NCOA7: variants seen among roughly 807,000 people sequenced by gnomAD.
NCOA7 encodes nuclear receptor coactivator 7.
Under a neutral mutation model 104.3 loss-of-function variants are expected in NCOA7, and 45 were observed. The observed-to-expected ratio is 0.43, with a 90% CI of 0.34 to 0.55. The LOEUF (loss-of-function observed/expected upper bound fraction) is 0.55, where lower values mean the gene tolerates loss of function less well. NCOA7 is among the 20% of genes least tolerant of loss of function. The probability of loss-of-function intolerance (pLI) is 0.02; values close to 1 mark genes in which losing one functional copy is unlikely to be tolerated. For missense variants in NCOA7, 1,041 were observed against 1,119.7 expected (o/e 0.93, Z 1.00); for synonymous variants, 398 against 402.3 (o/e 0.99, Z 0.13).
chr6:125,906,109 A>T (rs1223115792), intron 10 of NCOA7, among the ~76,000 whole-genome samples: 1 of 152,056 alleles, frequency 6.6e-6, no homozygotes, highest in Non-Finnish European at 1.5e-5. Flanking sequence ...CAGATGAAGG[A>T]GATAGGGGAA....
chr6:125,840,619 G>T (rs1780035068), intron 2 of NCOA7, among the ~76,000 whole-genome samples: 1 of 150,966 alleles, frequency 6.6e-6, no homozygotes, highest in Admixed American at 6.6e-5. Context: ...GGCTCAGGTG[G>T]TCCTCCCACC....
intron 2 of NCOA7, among the ~76,000 whole-genome samples, chr6:125,829,722 CAT>C (rs1450861330): frequency 6.6e-6 from 1 of 152,046 alleles, no homozygotes; most frequent in African/African-American, 2.4e-5. Context: ...GCTGTATAGT[CAT>C]ATCATATGAG....
chr6:125,840,477 G>A (rs920847344), intron 2 of NCOA7, among the ~76,000 whole-genome samples: 31 of 151,996 alleles, frequency 2.0e-4, no homozygotes, highest in Non-Finnish European at 8.8e-5. Context: ...CCCAAGAGCA[G>A]CAACCATACA....
At chr6:125,869,193 C>G (rs2128633752) in intron 3 of NCOA7, among the ~76,000 whole-genome samples, 1 of 152,264 alleles carries the variant, frequency 6.6e-6, no homozygotes, top group Admixed American at 6.5e-5. Flanking sequence ...TGAGTTCACC[C>G]AGTCCCCAGG....
At chr6:125,796,105 T>C (rs570457290) in intron 1 of NCOA7, among the ~76,000 whole-genome samples, 240 of 152,202 alleles carry the variant, frequency 1.6e-3, no homozygotes, top group African/African-American at 5.5e-3. Context: ...TCCTTGAGAT[T>C]CTGTAAACTC....
chr6:125,910,890 A>G (rs1261960101), intron 10 of NCOA7, among the ~76,000 whole-genome samples: 3 of 152,224 alleles, frequency 2.0e-5, no homozygotes, highest in Admixed American at 1.3e-4. Context: ...CTGTCTATAT[A>G]CTGGTTTGGA....
At chr6:125,840,867 G>GTTTTTTTTTTTTTTT (rs1305583308) in intron 2 of NCOA7, among the ~76,000 whole-genome samples, 5 of 50,658 alleles carry the variant, frequency 9.9e-5, no homozygotes, top group Non-Finnish European at 1.9e-4. Context: ...TTGTTTGGTT[G>GTTTTTTTTTTTTTTT]GTTTTTTTTT....
chr6:125,860,804 A>G (rs1008460907), intron 3 of NCOA7, among the ~76,000 whole-genome samples: 1 of 152,258 alleles, frequency 6.6e-6, no homozygotes, highest in Non-Finnish European at 1.5e-5. Context: ...CTGTGCAGCC[A>G]TAAGATTGGA....
At chr6:125,928,291 C>A in intron 15 of NCOA7, 44 bp downstream of exon 15, 1 of 1,549,072 alleles carries the variant, frequency 6.5e-7, no homozygotes, top group South Asian at 1.2e-5. Flanking sequence ...TATTTTACCA[C>A]CTGACCTGAG....
chr6:125,849,018 G>A (rs1188573526), intron 2 of NCOA7, among the ~76,000 whole-genome samples: 2 of 152,050 alleles, frequency 1.3e-5, no homozygotes, highest in Non-Finnish European at 2.9e-5. Flanking sequence ...CAGAACATGG[G>A]CTCATTTATC....
rs201590229 is a variant in NCOA7, at chr6:125,902,495, TA to T, written c.2096+11688del. On this transcript the variant is annotated intron_variant, in intron 10 of 15. Coordinates refer to ENST00000392477, the MANE Select transcript of NCOA7 (RefSeq NM_181782.5). ...CTCATAGCCATGTTTTTTTTTTTTT[TA>T]AAGTGGGGATGGAAGGGAAGCAACA... is the stretch of plus-strand genomic sequence containing the variant. 4.4e-3 allele frequency among the ~76,000 whole-genome samples: 652 copies of T among 148,896 alleles called. 3 individuals are homozygous for T. The highest frequency in any genetic ancestry group is 0.011 in the African/African-American group (443 of 40,696).
intron 3 of NCOA7, among the ~76,000 whole-genome samples, chr6:125,872,446 A>G (rs1783011658): frequency 6.6e-6 from 1 of 152,210 alleles, no homozygotes; most frequent in Non-Finnish European, 1.5e-5. Flanking sequence ...AAATTATATA[A>G]AGAGACTATT....
intron 2 of NCOA7, among the ~76,000 whole-genome samples, chr6:125,825,956 A>G (rs1778622557): frequency 6.6e-6 from 1 of 152,204 alleles, no homozygotes; most frequent in Non-Finnish European, 1.5e-5. Context: ...CTTTGAAAAG[A>G]GTATATGGAT....
intron 3 of NCOA7, among the ~76,000 whole-genome samples, chr6:125,871,719 G>A (rs1782927457): frequency 6.6e-6 from 1 of 152,170 alleles, no homozygotes; most frequent in Non-Finnish European, 1.5e-5. Context: ...GACAAGGCCA[G>A]GTGCAGTGGC....
intron 1 of NCOA7, among the ~76,000 whole-genome samples, chr6:125,784,820 T>C (rs1774383109): frequency 6.6e-6 from 1 of 152,258 alleles, no homozygotes; most frequent in South Asian, 2.1e-4. Flanking sequence ...TCAATTTATA[T>C]AGCATTCTTG....
At chr6:125,899,370 A>G (rs1357081518) in intron 10 of NCOA7, among the ~76,000 whole-genome samples, 1 of 152,234 alleles carries the variant, frequency 6.6e-6, no homozygotes, top group Non-Finnish European at 1.5e-5. Flanking sequence ...CTAACCTGGA[A>G]TCTTTAATGC....
intron 12 of NCOA7, among the ~76,000 whole-genome samples, chr6:125,921,990 A>T (rs1787627876): frequency 6.6e-6 from 1 of 152,208 alleles, no homozygotes; most frequent in Non-Finnish European, 1.5e-5. Context: ...TTGGCTCCCT[A>T]GTTTACTGAG....
chr6:125,924,709 T>C (rs1011687534), intron 13 of NCOA7, among the ~76,000 whole-genome samples: 2 of 152,138 alleles, frequency 1.3e-5, no homozygotes, highest in African/African-American at 4.8e-5. Context: ...CTAATTAATC[T>C]CAGTTATAAC....
chr6:125,849,422 ATTC>A (rs1229947729), intron 2 of NCOA7, among the ~76,000 whole-genome samples: 1 of 152,250 alleles, frequency 6.6e-6, no homozygotes, highest in Non-Finnish European at 1.5e-5. Flanking sequence ...ACATTGCCTC[ATTC>A]TTCTGCCCTT....
Sources: gnomAD v4.1 joint callset for allele counts (sites outside exome capture counted in the v4.1 genomes callset) on GRCh38, gnomAD v4.1.1 for gene constraint, MANE v1.5 for transcripts, NCBI Gene and HGNC (gene_info 2026-07-23, HGNC 2026-07-21) for gene names.